The following SLC8A1 variants were observed in gnomAD, a reference collection of about 807,000 sequenced individuals.
SLC8A1 encodes the protein sodium/calcium exchanger 1.
A neutral mutation model predicts 68.3 loss-of-function variants in SLC8A1; 18 were observed. The observed-to-expected ratio is 0.26, with a 90% CI of 0.18 to 0.39. SLC8A1 has a LOEUF of 0.39. Ranked by LOEUF, SLC8A1 falls within the 10% of genes least tolerant of loss-of-function variation. The pLI is 1.00. For synonymous variants in SLC8A1, 475 were observed against 415.5 expected (o/e 1.14, Z -1.74); for missense variants, 985 against 1,156.7 (o/e 0.85, Z 2.15).
At chr2:40,314,855 C>A (rs142135908) in intron 2 of SLC8A1, among the ~76,000 whole-genome samples, 1 of 152,016 alleles carries the variant, frequency 6.6e-6, no homozygotes, top group Non-Finnish European at 1.5e-5. Flanking sequence ...TTGTACCCTG[C>A]AAACTTGTTA....
intron 2 of SLC8A1, among the ~76,000 whole-genome samples, chr2:40,257,698 C>A (rs941090230): frequency 1.3e-5 from 2 of 152,206 alleles, no homozygotes; most frequent in Non-Finnish European, 2.9e-5. Context: ...ATTTCCCAAT[C>A]CAAACCCATA....
At position 40,103,306 on chromosome 2, in the gene SLC8A1, A is replaced by G. The variant is rs944004439; in HGVS notation, c.*11947T>C. 7 of 152,072 alleles carry G rather than the reference A, an allele frequency of 4.6e-5. No individual in the cohort carries two copies. In the East Asian group the frequency reaches 1.4e-3, roughly 29 times the overall value. 9.4% of individuals were successfully genotyped at this position (152,072 alleles called of 1,614,324 possible). A position where few individuals can be genotyped will look rare whatever the true frequency, so the allele number is the denominator to read the frequency against. On this transcript the variant is annotated 3_prime_UTR_variant, in exon 8 of 8. Transcript: ENST00000406785. ...TTTGCTATGTTTCGTCTGTTGTGCA[A>G]TTTCATTTTGCTAATGAGGCATCTG... is the stretch of plus-strand genomic sequence containing the variant.
At chr2:40,271,904 T>C (rs1173339492) in intron 2 of SLC8A1, among the ~76,000 whole-genome samples, 8 of 152,118 alleles carry the variant, frequency 5.3e-5, no homozygotes, top group Non-Finnish European at 8.8e-5. Flanking sequence ...TCTCACTCTG[T>C]TGCCCGGGCT....
intron 1 of SLC8A1, among the ~76,000 whole-genome samples, chr2:40,509,050 G>A (rs1268490437): frequency 1.3e-5 from 2 of 152,166 alleles, no homozygotes; most frequent in African/African-American, 4.8e-5. Flanking sequence ...ACAGTACCAA[G>A]TGCCTCTTGA....
intron 1 of SLC8A1, among the ~76,000 whole-genome samples, chr2:40,460,780 C>A (rs947728198): frequency 3.3e-5 from 5 of 152,022 alleles, no homozygotes; most frequent in African/African-American, 1.2e-4. Context: ...ACCATGTTGG[C>A]CAGACTGGTC....
At chr2:40,117,938 A>G (rs936102462) in intron 7 of SLC8A1, among the ~76,000 whole-genome samples, 4 of 152,226 alleles carry the variant, frequency 2.6e-5, no homozygotes, top group African/African-American at 9.6e-5. Context: ...CATCTGCAGT[A>G]TGACATTCTT....
chr2:40,376,587 G>GGGAAAAGGAAAA (rs1559442409), intron 2 of SLC8A1, among the ~76,000 whole-genome samples: 2 of 151,930 alleles, frequency 1.3e-5, no homozygotes, highest in Non-Finnish European at 2.9e-5. Flanking sequence ...GAAAGGAAAA[G>GGGAAAAGGAAAA]GGAAAGGGAA....
chr2:40,341,359 T>C (rs1667634388), intron 2 of SLC8A1, among the ~76,000 whole-genome samples: 1 of 152,194 alleles, frequency 6.6e-6, no homozygotes, highest in African/African-American at 2.4e-5. Flanking sequence ...AGCTGTCTTC[T>C]AACTTGGCCC....
Position 40,461,773 on chromosome 2 carries a change from G to A in SLC8A1, c.-24-31469C>T, listed in dbSNP as rs541294107. Among the ~76,000 whole-genome samples the A allele has an allele frequency of 2.6e-5, 4 of 152,136 alleles. No homozygotes were observed. The East Asian group carries it at 7.7e-4, about 29-fold the overall frequency. On this transcript the variant is annotated intron_variant, in intron 1 of 7. Transcript: ENST00000402441. ...TGTTTTGTTAAAGGCAGTCTTATTTGTTAGATAACAAGTCCAAAGATAAAA... is the reference window on the plus strand; with the variant it reads ...TGTTTTGTTAAAGGCAGTCTTATTTATTAGATAACAAGTCCAAAGATAAAA...
chr2:40,162,541 C>T (rs2045866753), intron 5 of SLC8A1, among the ~76,000 whole-genome samples: 1 of 152,142 alleles, frequency 6.6e-6, no homozygotes, highest in Admixed American at 6.5e-5. Context: ...AACTAAACTT[C>T]TGTGTGTAAA....
intron 2 of SLC8A1, among the ~76,000 whole-genome samples, chr2:40,314,850 C>T (rs770373132): frequency 1.3e-4 from 20 of 151,876 alleles, no homozygotes; most frequent in Non-Finnish European, 2.6e-4. Flanking sequence ...TAATCTTGTA[C>T]CCTGCAAACT....
chr2:40,293,459 CT>C (rs1470194322), intron 2 of SLC8A1, among the ~76,000 whole-genome samples: 3 of 152,090 alleles, frequency 2.0e-5, no homozygotes, highest in African/African-American at 7.2e-5. Context: ...AAACTTGGAG[CT>C]TTAGAGTTTG....
chr2:40,310,131 T>C (rs1037425850), intron 2 of SLC8A1, among the ~76,000 whole-genome samples: 2 of 152,240 alleles, frequency 1.3e-5, no homozygotes, highest in Non-Finnish European at 1.5e-5. Context: ...TACATGTATC[T>C]GTACTAACAT....
At chr2:40,107,279 C>CAAAAGAAAAAA (rs1553329308) in exon 8 of SLC8A1, 2 of 64,962 alleles carry the variant, frequency 3.1e-5, no homozygotes, top group East Asian at 6.3e-4. Context: ...GACTCCGTCT[C>CAAAAGAAAAAA]AAAAAAAAAA....
chr2:40,102,168 T>C (rs539695059), exon 8 of SLC8A1: 2 of 152,296 alleles, frequency 1.3e-5, no homozygotes, highest in Admixed American at 6.5e-5. Flanking sequence ...TAAAATATGA[T>C]TCAAAATGTG....
chr2:40,414,637 G>A (rs977244071), intron 2 of SLC8A1, among the ~76,000 whole-genome samples: 1 of 151,974 alleles, frequency 6.6e-6, no homozygotes, highest in African/African-American at 2.4e-5. Context: ...TTTAAATGAG[G>A]ACTTGTTTTA....
chr2:40,242,748 C>A (rs1169596827), intron 2 of SLC8A1, among the ~76,000 whole-genome samples: 1 of 151,984 alleles, frequency 6.6e-6, no homozygotes, highest in Non-Finnish European at 1.5e-5. Context: ...AACAAGAAAC[C>A]AAAGAGGAAT....
At chr2:40,402,961 T>G (rs1050101383) in intron 2 of SLC8A1, among the ~76,000 whole-genome samples, 2 of 152,170 alleles carry the variant, frequency 1.3e-5, no homozygotes, top group Admixed American at 6.5e-5. Flanking sequence ...TGATCCACAG[T>G]TAACGAAAAT....
intron 2 of SLC8A1, among the ~76,000 whole-genome samples, chr2:40,346,724 G>C (rs954541868): frequency 6.6e-6 from 1 of 152,086 alleles, no homozygotes; most frequent in African/African-American, 2.4e-5. Flanking sequence ...TGGCTAAATT[G>C]TTTTGTCTGC....
Sources: allele counts gnomAD v4.1 joint callset (sites outside exome capture counted in the v4.1 genomes callset), GRCh38; gene constraint gnomAD v4.1.1; transcripts MANE v1.5; gene names NCBI Gene and HGNC (gene_info 2026-07-23, HGNC 2026-07-21).